ERBB2: variants seen among roughly 807,000 people sequenced by gnomAD.
ERBB2 encodes the protein erb-b2 receptor tyrosine kinase 2.
A neutral mutation model predicts 149.0 loss-of-function variants in ERBB2; 61 were observed. That is an observed-to-expected ratio of 0.41 (90% CI 0.33 to 0.51). ERBB2 has a LOEUF of 0.51. Ranked by LOEUF, ERBB2 falls within the 20% of genes least tolerant of loss-of-function variation. The pLI, the probability that ERBB2 is intolerant of heterozygous loss-of-function variation, is 0.25. For synonymous variants in ERBB2, 633 were observed against 678.8 expected (o/e 0.93, Z 1.05); for missense variants, 1,205 against 1,655.1 (o/e 0.73, Z 4.72).
chr17:39,697,151 A>C (rs1209955409), upstream of ERBB2, among the ~76,000 whole-genome samples: 1 of 152,000 alleles, frequency 6.6e-6, no homozygotes, highest in Non-Finnish European at 1.5e-5. Context: ...TCCTCACCCT[A>C]ACCCTAACAC....
At chr17:39,722,437 G>C (rs1284566519) in intron 16 of ERBB2, among the ~76,000 whole-genome samples, 1 of 152,046 alleles carries the variant, frequency 6.6e-6, no homozygotes, top group Non-Finnish European at 1.5e-5. Flanking sequence ...CAGAGGTCAG[G>C]GCTGCAGTGG....
Position 39,728,226 on chromosome 17 carries a change from C to T in ERBB2, c.*182C>T, listed in dbSNP as rs1456654613. The T allele has an allele frequency of 7.2e-6, 4 of 551,858 alleles. No homozygotes were observed. Among genetic ancestry groups the T allele is most frequent in the Non-Finnish European group, 1.3e-5 (4 of 310,958 alleles). The allele number at this position is 551,858 out of a possible 1,614,324, so 34.2% of individuals were successfully genotyped here. The stretch of plus-strand genomic sequence containing the variant: ...AGTTCCCAGATGGCTGGAAGGGGTC[C>T]AGCCTCGTTGGAAGAGGAACAGCAC... On this transcript the variant is annotated 3_prime_UTR_variant, in exon 27 of 27. Transcript: ENST00000269571.
At position 39,725,886 on chromosome 17, in the gene ERBB2, G is replaced by T. The variant is rs2143084898; in HGVS notation, c.2872+33G>T. On this transcript the variant is annotated intron_variant, in intron 23 of 26. Transcript: ENST00000269571. The surrounding 1 kb of genome is among the most constrained non-coding windows in gnomAD (Gnocchi z 4.6). ...GCTGAGCTGTGCTGGCTGCCTGGAG[G>T]AGGGTGGGAGGTCCTGGGTGGAGGA... is the stretch of plus-strand genomic sequence containing the variant. The T allele has an allele frequency of 6.2e-7, 1 of 1,610,938 alleles. No individual in the cohort carries two copies. The highest frequency in any genetic ancestry group is 8.5e-7 in the Non-Finnish European group (1 of 1,178,930).
At chr17:39,691,934 C>CATATACATATATAT (rs564472045), upstream of ERBB2, among the ~76,000 whole-genome samples, 171 of 120,848 alleles carry the variant, frequency 1.4e-3, no homozygotes, top group Non-Finnish European at 2.3e-3. Context: ...TATACATATA[C>CATATACATATATAT]ATATATATAT....
upstream of ERBB2, chr17:39,694,821 G>A (rs1342009470): frequency 1.3e-5 from 2 of 152,236 alleles, no homozygotes; most frequent in Non-Finnish European, 2.9e-5. Flanking sequence ...GAATGAAGCG[G>A]GCAGGAAGAC....
chr17:39,719,277 A>G (rs368015321), intron 15 of ERBB2, among the ~76,000 whole-genome samples: 13 of 152,302 alleles, frequency 8.5e-5, no homozygotes, highest in South Asian at 4.1e-4. Context: ...AAAAAGAAAA[A>G]AAAAAAGAAT....
chr17:39,722,879 C>T (rs1304971687), intron 16 of ERBB2, among the ~76,000 whole-genome samples: 1 of 152,066 alleles, frequency 6.6e-6, no homozygotes, highest in Admixed American at 6.6e-5. Context: ...CCACGCCCAG[C>T]TAATTTTTGT....
At chr17:39,717,633 T>A (rs111900961) in intron 15 of ERBB2, 153 bp downstream of exon 15, 1 of 623,794 alleles carries the variant, frequency 1.6e-6, no homozygotes, top group Non-Finnish European at 2.6e-6. Context: ...AATTAAAACA[T>A]GAAATATAAA....
At position 39,715,811 on chromosome 17, in the gene ERBB2, G is replaced by T. The variant is rs373192991; in HGVS notation, c.1385G>T (p.Gly462Val). 3 of 1,610,764 alleles carry T rather than the reference G, an allele frequency of 1.9e-6. No homozygotes were observed. The highest frequency in any genetic ancestry group is 3.3e-5 in the Admixed American group (2 of 60,002). Residue 462 changes from glycine (G) to valine (V), a missense_variant, in exon 12 of 27, where the codon GGC becomes GTC. By Grantham distance (109) the Gly-to-Val change is moderately radical. This residue lies in a region of ERBB2 where 569 missense variants were observed against 803.5 expected (regional missense o/e 0.71). Coordinates refer to ENST00000269571, the MANE Select transcript of ERBB2 (RefSeq NM_004448.4). Reference protein sequence around the residue: ...WLGLRSLRELGSGLALIHHNT... With the variant: ...WLGLRSLRELVSGLALIHHNT... Reference sequence around the variant, plus strand: ...GGGCTGCGCTCACTGAGGGAACTGGGCAGTGGACTGGCCCTCATCCACCAT... The same window carrying T: ...GGGCTGCGCTCACTGAGGGAACTGGTCAGTGGACTGGCCCTCATCCACCAT...
At chr17:39,717,275 G>T (rs2145703350) in intron 14 of ERBB2, 45 bp from the exon 15 acceptor site, 1 of 1,531,320 alleles carries the variant, frequency 6.5e-7, no homozygotes, top group Non-Finnish European at 8.9e-7. Flanking sequence ...ACTGCCCTGG[G>T]GGTGTCAGTG....
At position 39,725,910 on chromosome 17, in the gene ERBB2, G is replaced by A. The variant is rs2059729762; in HGVS notation, c.2872+57G>A. 1.3e-6 allele frequency: 2 copies of A among 1,590,708 alleles called. No homozygotes were observed. Among genetic ancestry groups the A allele is most frequent in the Non-Finnish European group, 8.6e-7 (1 of 1,165,382 alleles). On this transcript the variant is annotated intron_variant, in intron 23 of 26. Coordinates refer to ENST00000269571, the MANE Select transcript of ERBB2 (RefSeq NM_004448.4). The surrounding 1 kb of genome is among the most constrained non-coding windows in gnomAD (Gnocchi z 4.6). ...GGAGGGTGGGAGGTCCTGGGTGGAGGAGCCCACAAGGGGCATGAAAGGGGA... is the reference window on the plus strand; with the variant it reads ...GGAGGGTGGGAGGTCCTGGGTGGAGAAGCCCACAAGGGGCATGAAAGGGGA...
At chr17:39,707,350 T>C (rs2058504981) in intron 2 of ERBB2, 1 of 451,018 alleles carries the variant, frequency 2.2e-6, no homozygotes, top group Non-Finnish European at 3.9e-6. Context: ...GCCGAGGTCA[T>C]GTCTGGATGG....
rs755472707 is a variant in ERBB2 at position 39,727,944 on chromosome 17, GGGACCA to G, written c.3674_3679del (p.Gln1225_Asp1226del). 13 of 1,613,966 alleles carry G rather than the reference GGGACCA, an allele frequency of 8.1e-6. No homozygotes were observed. The highest frequency in any genetic ancestry group is 3.3e-4 in the Middle Eastern group (2 of 6,084). On this transcript the variant is annotated inframe_deletion, in exon 27 of 27. Coordinates refer to ENST00000269571, the MANE Select transcript of ERBB2 (RefSeq NM_004448.4). This position sits in a 1 kb window ranked among gnomAD's most constrained non-coding sequence, Gnocchi z 4.3. Reference sequence around the variant, plus strand: ...CCAGCCTTCGACAACCTCTATTACTGGGACCAGGACCCACCAGAGCGGGGGGCTCCA... The same window carrying G: ...CCAGCCTTCGACAACCTCTATTACTGGGACCCACCAGAGCGGGGGGCTCCA...
chr17:39,725,763 G>A lies in ERBB2; in HGVS notation c.2782G>A (p.Ala928Thr). The change falls in exon 23 of 27, where the codon GCC becomes ACC. Residue 928 changes from alanine to threonine, a missense_variant. By Grantham distance (58) the Ala-to-Thr change is moderately conservative (BLOSUM62 0). Coordinates refer to ENST00000269571, the MANE Select transcript of ERBB2 (RefSeq NM_004448.4). The surrounding 1 kb of genome is among the most constrained non-coding windows in gnomAD (Gnocchi z 4.6). ...FGAKPYDGIP[A>T]REIPDLLEKG... ...GGCCAAACCTTACGATGGGATCCCA[G>A]CCCGGGAGATCCCTGACCTGCTGGA... 2 of 1,613,852 alleles carry A rather than the reference G, an allele frequency of 1.2e-6. No homozygotes were observed. The highest frequency in any genetic ancestry group is 8.5e-7 in the Non-Finnish European group (1 of 1,179,914).
Position 39,724,713 on chromosome 17 carries a change from C to A in ERBB2, c.2308-13C>A. 1 of 1,613,280 alleles carries A rather than the reference C, an allele frequency of 6.2e-7. No individual in the cohort carries two copies. The highest frequency in any genetic ancestry group is 8.5e-7 in the Non-Finnish European group (1 of 1,179,478). On this transcript the variant is annotated splice_polypyrimidine_tract_variant and intron_variant, in intron 19 of 26. Transcript: ENST00000269571. Reference sequence around the variant, plus strand: ...TGGTCTCCCATACCCTCTCAGCGTACCCTTGTCCCCAGGAAGCATACGTGA... The same window carrying A: ...TGGTCTCCCATACCCTCTCAGCGTAACCTTGTCCCCAGGAAGCATACGTGA...
Position 39,727,116 on chromosome 17 carries a change from T to G in ERBB2, c.3159+113T>G. 11 of 1,245,876 alleles carry G rather than the reference T, an allele frequency of 8.8e-6. No individual in the cohort carries two copies. Among genetic ancestry groups the G allele is most frequent in the Non-Finnish European group, 1.2e-5 (11 of 895,716 alleles). 77.2% of individuals were successfully genotyped at this position (1,245,876 alleles called of 1,614,324 possible). A position where few individuals can be genotyped will look rare whatever the true frequency, so the allele number is the denominator to read the frequency against. On this transcript the variant is annotated intron_variant, in intron 25 of 26. Transcript: ENST00000269571. This position sits in a 1 kb window ranked among gnomAD's most constrained non-coding sequence, Gnocchi z 4.3. ...ACTGTCACCTCTCAAGGAAACCCCA[T>G]TATCCCTACAAAAAATTCTTACTGC...
chr17:39,727,134 C>T lies in ERBB2; in HGVS notation c.3159+131C>T. 1 of 1,229,654 alleles carries T rather than the reference C, an allele frequency of 8.1e-7. No individual in the cohort carries two copies. Among genetic ancestry groups the T allele is most frequent in the Non-Finnish European group, 1.1e-6 (1 of 879,398 alleles). 76.2% of individuals were successfully genotyped at this position (1,229,654 alleles called of 1,614,324 possible). A position where few individuals can be genotyped will look rare whatever the true frequency, so the allele number is the denominator to read the frequency against. ...AACCCCATTATCCCTACAAAAAATT[C>T]TTACTGCCTTCCAACCCCTGTGACC... On this transcript the variant is annotated intron_variant, in intron 25 of 26. Coordinates refer to ENST00000269571, the MANE Select transcript of ERBB2 (RefSeq NM_004448.4). This position sits in a 1 kb window ranked among gnomAD's most constrained non-coding sequence, Gnocchi z 4.3.
chr17:39,691,122 A>T, upstream of ERBB2, among the ~76,000 whole-genome samples: 1 of 152,160 alleles, frequency 6.6e-6, no homozygotes, highest in East Asian at 1.9e-4. Flanking sequence ...AGAGTCTACA[A>T]TGTGGGTTCC....
At chr17:39,707,389 T>C (rs898384100) in intron 2 of ERBB2, 2 of 396,410 alleles carry the variant, frequency 5.0e-6, no homozygotes, top group Non-Finnish European at 9.0e-6. Context: ...CTAAATCTTG[T>C]GCTCTCTTGC....
Sources: allele counts gnomAD v4.1 joint callset (sites outside exome capture counted in the v4.1 genomes callset), GRCh38; gene constraint gnomAD v4.1.1; regional missense constraint gnomAD v4.1.1; non-coding constraint Gnocchi (gnomAD v3.1); transcripts MANE v1.5; gene names NCBI Gene and HGNC (gene_info 2026-07-23, HGNC 2026-07-21).